The following CPD variants were observed in gnomAD, a reference collection of about 807,000 sequenced individuals.
CPD encodes the protein carboxypeptidase D, also known as metallocarboxypeptidase D.
In CPD, 69 loss-of-function variants were observed where a neutral mutation model predicts 138.3. The ratio of observed to expected loss-of-function variants is 0.50; its 90% CI spans 0.41 to 0.61. CPD has a LOEUF of 0.61. Among genes scored for constraint, CPD ranks in the 20% least tolerant of loss-of-function variants. The pLI is 0.00. For missense variants in CPD, 1,432 were observed against 1,733.3 expected (o/e 0.83, Z 3.09); for synonymous variants, 651 against 642.1 (o/e 1.01, Z -0.21).
chr17:30,461,749 G>A, intron 18 of CPD, 128 bp from the exon 19 acceptor site: 1 of 713,010 alleles, frequency 1.4e-6, no homozygotes, highest in Non-Finnish European at 2.4e-6. Context: ...TACAGAGTTT[G>A]ATACTTGTTT....
intron 2 of CPD, among the ~76,000 whole-genome samples, chr17:30,385,645 A>G (rs1380216125): frequency 6.6e-6 from 1 of 151,990 alleles, no homozygotes; most frequent in Non-Finnish European, 1.5e-5. Flanking sequence ...TTCCTGTTTA[A>G]CTATATACTA....
chr17:30,440,823 A>T (rs1282279231), intron 9 of CPD, among the ~76,000 whole-genome samples: 16 of 105,540 alleles, frequency 1.5e-4, no homozygotes, highest in South Asian at 7.8e-4. Context: ...CCTTGTAGTA[A>T]AGTTTGAAGT....
chr17:30,398,469 A>G (rs1413491007), intron 2 of CPD, among the ~76,000 whole-genome samples: 1 of 152,218 alleles, frequency 6.6e-6, no homozygotes, highest in East Asian at 1.9e-4. Context: ...CAAATGACAT[A>G]TCAACTTAAA....
chr17:30,381,065 C>T (rs768967265), intron 1 of CPD, among the ~76,000 whole-genome samples: 8 of 152,188 alleles, frequency 5.3e-5, no homozygotes, highest in Non-Finnish European at 1.0e-4. Flanking sequence ...GTTCCTGAGT[C>T]TTTTCGTCTT....
At chr17:30,456,559 T>C in intron 17 of CPD, 33 bp downstream of exon 17, 1 of 1,602,622 alleles carries the variant, frequency 6.2e-7, no homozygotes, top group Admixed American at 1.7e-5. Flanking sequence ...AGAATGGAGT[T>C]ATGGCCAGGC....
chr17:30,427,922 C>A (rs1296991244), intron 7 of CPD, among the ~76,000 whole-genome samples: 2 of 151,340 alleles, frequency 1.3e-5, no homozygotes, highest in African/African-American at 2.4e-5. Flanking sequence ...CCCCGCCTGT[C>A]CCCCTACTCT....
intron 15 of CPD, chr17:30,455,681 A>G (rs1913274571): frequency 6.2e-6 from 3 of 480,810 alleles, no homozygotes; most frequent in East Asian, 3.5e-5. Flanking sequence ...GAGTCTAGCT[A>G]TCTTGTTCCA....
chr17:30,431,987 A>G, intron 8 of CPD, 106 bp downstream of exon 8: 1 of 741,224 alleles, frequency 1.3e-6, no homozygotes, highest in Non-Finnish European at 2.2e-6. Flanking sequence ...TAGTTAATAA[A>G]GCATGACTTT....
At chr17:30,457,253 GTT>G (rs1408328807) in intron 17 of CPD, among the ~76,000 whole-genome samples, 1 of 152,110 alleles carries the variant, frequency 6.6e-6, no homozygotes, top group Non-Finnish European at 1.5e-5. Context: ...TTAGCAAAAT[GTT>G]TTTAGGATTC....
Position 30,442,358 on chromosome 17 carries a change from A to C in CPD, c.2281A>C (p.Ile761Leu). The stretch of plus-strand genomic sequence containing the variant: ...ACAAACAAATTGCTTTGAAGTGACT[A>C]TTGAACTAGGTTGTGTGAAATATCC... ...YLQTNCFEVT[I>L]ELGCVKYPLE... Residue 761 changes from isoleucine to leucine, a missense_variant, in exon 10 of 21, where the codon ATT (isoleucine) becomes CTT (leucine). Around this residue, in one of 6 missense-constraint regions of CPD, gnomAD observed 297 missense variants for 405.3 expected, o/e 0.73. Transcript: ENST00000225719. The C allele has an allele frequency of 6.2e-7, 1 of 1,613,426 alleles. No homozygotes were observed.
intron 11 of CPD, among the ~76,000 whole-genome samples, chr17:30,444,372 T>A (rs973817494): frequency 6.6e-6 from 1 of 152,088 alleles, no homozygotes; most frequent in Non-Finnish European, 1.5e-5. Context: ...TTCAAGATAG[T>A]TTTTCCTTTA....
intron 9 of CPD, among the ~76,000 whole-genome samples, chr17:30,440,361 C>T (rs1272243232): frequency 1.3e-5 from 1 of 79,642 alleles, no homozygotes; most frequent in African/African-American, 5.1e-5. Flanking sequence ...TTGTAGGTTG[C>T]CTGTTCACTC....
chr17:30,434,663 G>A (rs1240487121), intron 8 of CPD, among the ~76,000 whole-genome samples: 1 of 152,076 alleles, frequency 6.6e-6, no homozygotes, highest in Non-Finnish European at 1.5e-5. Context: ...AAGAGGCAAA[G>A]ATAGAAATGA....
intron 17 of CPD, among the ~76,000 whole-genome samples, chr17:30,457,690 C>T (rs1376781963): frequency 1.3e-5 from 2 of 151,526 alleles, no homozygotes; most frequent in East Asian, 3.9e-4. Flanking sequence ...AACAGAGTCT[C>T]ACTTTGTTGC....
chr17:30,425,517 G>A (rs185311185), intron 6 of CPD, among the ~76,000 whole-genome samples: 9 of 152,098 alleles, frequency 5.9e-5, no homozygotes, highest in East Asian at 1.9e-4. Flanking sequence ...TTAGCTGGAC[G>A]TGGTGGTGCA....
intron 2 of CPD, among the ~76,000 whole-genome samples, chr17:30,391,136 T>A (rs1386634818): frequency 6.9e-6 from 1 of 145,734 alleles, no homozygotes; most frequent in Non-Finnish European, 1.5e-5. Flanking sequence ...GGCCGCCTTT[T>A]TTTTTTTTTT....
intron 7 of CPD, 80 bp downstream of exon 7, chr17:30,427,638 T>C: frequency 7.8e-7 from 1 of 1,284,204 alleles, no homozygotes; most frequent in South Asian, 1.3e-5. Flanking sequence ...CTGTTTGTAG[T>C]GTTATGCTTT....
intron 7 of CPD, among the ~76,000 whole-genome samples, chr17:30,428,912 CA>C: frequency 6.6e-6 from 1 of 151,340 alleles, no homozygotes; most frequent in Non-Finnish European, 1.5e-5. Flanking sequence ...GTATTAGCAC[CA>C]GGGGCAATGG....
chr17:30,412,910 G>A (rs1382749244), intron 2 of CPD, among the ~76,000 whole-genome samples: 1 of 152,180 alleles, frequency 6.6e-6, no homozygotes, highest in African/African-American at 2.4e-5. Flanking sequence ...GTCCCAATGA[G>A]ATGAACCAGG....
Sources: allele counts gnomAD v4.1 joint callset (sites outside exome capture counted in the v4.1 genomes callset), GRCh38; gene constraint gnomAD v4.1.1; regional missense constraint gnomAD v4.1.1; transcripts MANE v1.5; gene names NCBI Gene and HGNC (gene_info 2026-07-23, HGNC 2026-07-21).